TMEM132C: variants seen among roughly 807,000 people sequenced by gnomAD.
TMEM132C encodes the protein transmembrane protein 132C, also known as protein phosphatase 1, regulatory subunit 152.
TMEM132C carries 29 observed loss-of-function variants against 61.4 expected under a neutral mutation model. The ratio of observed to expected loss-of-function variants is 0.47; its 90% CI spans 0.35 to 0.64. TMEM132C has a LOEUF of 0.64. TMEM132C is among the 30% of genes least tolerant of loss of function. The pLI is 0.00. For missense variants in TMEM132C, 1,408 were observed against 1,476.9 expected, an observed-to-expected ratio of 0.95 and a Z score of 0.76; for synonymous variants, 656 against 633.1, an observed-to-expected ratio of 1.04 and a Z score of -0.54.
chr12:128,323,203 C>T (rs1299224005), intron 1 of TMEM132C, among the ~76,000 whole-genome samples: 1 of 152,152 alleles, frequency 6.6e-6, no homozygotes, highest in Non-Finnish European at 1.5e-5. Context: ...TCAGTGAGGT[C>T]CTGGCTTGGT....
At chr12:128,536,066 A>G (rs1009483966) in intron 2 of TMEM132C, among the ~76,000 whole-genome samples, 1 of 152,226 alleles carries the variant, frequency 6.6e-6, no homozygotes, top group African/African-American at 2.4e-5. Flanking sequence ...ATTATAAATC[A>G]TGCTACTATA....
rs1873185434 is a variant in TMEM132C, at chr12:128,528,904, C to G, written c.975-15053C>G. On this transcript the variant is annotated intron_variant, in intron 2 of 8. Coordinates refer to ENST00000435159, the MANE Select transcript of TMEM132C (RefSeq NM_001136103.3). ...TTCAGAGCTGGACAGACAGATTTCC[C>G]TGCTCAGGAAAAGTTACTGTCAACT... Among the ~76,000 whole-genome samples, 3 of 152,244 alleles carry G rather than the reference C, an allele frequency of 2.0e-5. No homozygotes were observed. The South Asian group carries it at 6.2e-4, about 32-fold the overall frequency.
At chr12:128,581,820 T>TG (rs1405355228) in intron 3 of TMEM132C, among the ~76,000 whole-genome samples, 1 of 152,194 alleles carries the variant, frequency 6.6e-6, no homozygotes, top group Non-Finnish European at 1.5e-5. Context: ...AGAGATGTAT[T>TG]GGGGGTGATG....
chr12:128,666,239 ATT>A (rs1413143358), intron 4 of TMEM132C, among the ~76,000 whole-genome samples: 3 of 149,932 alleles, frequency 2.0e-5, no homozygotes, highest in African/African-American at 7.4e-5. Context: ...GCACACACAC[ATT>A]CACAGGCACA....
At chr12:128,420,033 A>G (rs1393248046) in intron 2 of TMEM132C, among the ~76,000 whole-genome samples, 1 of 151,768 alleles carries the variant, frequency 6.6e-6, no homozygotes. Flanking sequence ...TCTCTACTAA[A>G]AATAAAAAAA....
rs1159257299 is a variant in TMEM132C at position 128,415,951 on chromosome 12, G to C, written c.974+331G>C. ...TCTTCTGCTGTGAATCCTTTGATGA[G>C]ATACCATTTGAGTTGCTTGATTGAA... On this transcript the variant is annotated intron_variant, in intron 2 of 8. Transcript: ENST00000435159. This position sits in a 1 kb window ranked among gnomAD's most constrained non-coding sequence, Gnocchi z 5.8. 6.6e-6 allele frequency among the ~76,000 whole-genome samples: 1 copy of C among 152,154 alleles called. No individual in the cohort carries two copies. The highest frequency in any genetic ancestry group is 1.5e-5 in the Non-Finnish European group (1 of 68,020).
At chr12:128,588,567 G>A (rs1006259990) in intron 3 of TMEM132C, among the ~76,000 whole-genome samples, 1 of 151,002 alleles carries the variant, frequency 6.6e-6, no homozygotes, top group African/African-American at 2.5e-5. Flanking sequence ...CCTTGCCTCA[G>A]TGCTATGGAC....
chr12:128,524,479 T>C (rs1593085559), intron 2 of TMEM132C, among the ~76,000 whole-genome samples: 1 of 152,184 alleles, frequency 6.6e-6, no homozygotes, highest in Non-Finnish European at 1.5e-5. Context: ...TGGCCCTGGG[T>C]ATTACTTCTT....
At chr12:128,399,713 A>G (rs191446521) in intron 1 of TMEM132C, among the ~76,000 whole-genome samples, 1 of 152,142 alleles carries the variant, frequency 6.6e-6, no homozygotes, top group African/African-American at 2.4e-5. Flanking sequence ...GGGTCCGCAC[A>G]CTATGGCCTG....
At position 128,415,102 on chromosome 12, in the gene TMEM132C, C is replaced by T. The variant is rs1329000910; in HGVS notation, c.456C>T (p.His152=). 4.4e-6 allele frequency: 7 copies of T among 1,608,686 alleles called. No homozygotes were observed. Among genetic ancestry groups the T allele is most frequent in the Middle Eastern group, 1.6e-4 (1 of 6,076 alleles). Residue 152 remains histidine (H), a synonymous_variant, in exon 2 of 9, where the codon CAC becomes CAT. Coordinates refer to ENST00000435159, the MANE Select transcript of TMEM132C (RefSeq NM_001136103.3). The surrounding 1 kb of genome is among the most constrained non-coding windows in gnomAD (Gnocchi z 5.8). ...GGCCCAAAGTGCAGGTTCTTTTCCA[C>T]ATCATGGGCAGAGACTGGGATGACC... is the stretch of plus-strand genomic sequence containing the variant. ...LSRPKVQVLF[H]IMGRDWDDHG... is the part of the protein sequence containing the mutation.
At chr12:128,392,511 C>T (rs925477742) in intron 1 of TMEM132C, among the ~76,000 whole-genome samples, 3 of 151,744 alleles carry the variant, frequency 2.0e-5, no homozygotes, top group Admixed American at 6.6e-5. Flanking sequence ...GACCCCAGAA[C>T]GTCATGAAGG....
chr12:128,322,644 C>T (rs955348220), intron 1 of TMEM132C, among the ~76,000 whole-genome samples: 2 of 152,160 alleles, frequency 1.3e-5, no homozygotes, highest in African/African-American at 4.8e-5. Context: ...CTGGGGAGTT[C>T]AAAGGACATC....
At chr12:128,356,990 C>T (rs958120269) in intron 1 of TMEM132C, among the ~76,000 whole-genome samples, 3 of 152,186 alleles carry the variant, frequency 2.0e-5, no homozygotes, top group Non-Finnish European at 2.9e-5. Context: ...CTCGCTCTCT[C>T]ACACACATAC....
intron 1 of TMEM132C, among the ~76,000 whole-genome samples, chr12:128,364,942 T>C (rs905919606): frequency 2.6e-5 from 4 of 152,200 alleles, no homozygotes; most frequent in Non-Finnish European, 5.9e-5. Context: ...TGGACGTCAG[T>C]AGAGAGTGCG....
At chr12:128,357,781 G>A (rs1873562966) in intron 1 of TMEM132C, among the ~76,000 whole-genome samples, 5 of 151,588 alleles carry the variant, frequency 3.3e-5, no homozygotes, top group Admixed American at 3.3e-4. Context: ...GTGCAGTCCT[G>A]GGCTTCTGGT....
rs6486686 is a variant in TMEM132C, at chr12:128,489,271, A to C, written c.975-54686A>C. Among the ~76,000 whole-genome samples the C allele has an allele frequency of 5.2e-3, 793 of 151,750 alleles. 7 individuals are homozygous for C. Among genetic ancestry groups the C allele is most frequent in the African/African-American group, 0.018 (760 of 41,364 alleles). On this transcript the variant is annotated intron_variant, in intron 2 of 8. Transcript: ENST00000435159. The stretch of plus-strand genomic sequence containing the variant: ...TGCCAACTACTAAGCGGTGTTACAG[A>C]TGATGAGACGTGTGGTTTTTCTAAC...
chr12:128,341,741 A>G (rs530558388), intron 1 of TMEM132C, among the ~76,000 whole-genome samples: 10 of 152,342 alleles, frequency 6.6e-5, no homozygotes, highest in Admixed American at 1.3e-4. Flanking sequence ...GGGATGAGGT[A>G]GAAGTAGAGA....
rs139401811 is a variant in TMEM132C at position 128,391,561 on chromosome 12, C to G, written c.86-23171C>G. Among the ~76,000 whole-genome samples the G allele has an allele frequency of 1.6e-4, 25 of 152,340 alleles. No homozygotes were observed. In the East Asian group the frequency reaches 4.8e-3, roughly 29 times the overall value. Reference sequence around the variant, plus strand: ...CATCCTAGTTAGCATTTAACGAACACTTTCTGCATATTGGATTCTGTTTTA... The same window carrying G: ...CATCCTAGTTAGCATTTAACGAACAGTTTCTGCATATTGGATTCTGTTTTA... On this transcript the variant is annotated intron_variant, in intron 1 of 8. Coordinates refer to ENST00000435159, the MANE Select transcript of TMEM132C (RefSeq NM_001136103.3).
chr12:128,520,146 C>G (rs771100289), intron 2 of TMEM132C, among the ~76,000 whole-genome samples: 2 of 152,228 alleles, frequency 1.3e-5, no homozygotes, highest in Non-Finnish European at 2.9e-5. Context: ...CCCAGACACC[C>G]TTTCCCCTCT....
Sources: allele counts gnomAD v4.1 joint callset (sites outside exome capture counted in the v4.1 genomes callset), GRCh38; gene constraint gnomAD v4.1.1; non-coding constraint Gnocchi (gnomAD v3.1); transcripts MANE v1.5; gene names NCBI Gene and HGNC (gene_info 2026-07-23, HGNC 2026-07-21).